Variants in MACROD2 observed in about 807,000 individuals in gnomAD.
The protein encoded by MACROD2 is ADP-ribose glycohydrolase MACROD2.
Under a neutral mutation model 70.4 loss-of-function variants are expected in MACROD2, and 36 were observed. That is an observed-to-expected ratio of 0.51 (90% CI 0.39 to 0.68). The LOEUF (loss-of-function observed/expected upper bound fraction) is 0.68. MACROD2 is among the 30% of genes least tolerant of loss of function. MACROD2 has a pLI of 0.00. For synonymous variants in MACROD2, 172 were observed against 178.8 expected (o/e 0.96, Z 0.30); for missense variants, 496 against 538.4 (o/e 0.92, Z 0.78).
chr20:15,595,338 T>A (rs2048732333), intron 8 of MACROD2, among the ~76,000 whole-genome samples: 1 of 152,160 alleles, frequency 6.6e-6, no homozygotes, highest in Non-Finnish European at 1.5e-5. Flanking sequence ...GGAATCCTCA[T>A]ACAAAAAATT....
chr20:15,128,036 T>G (rs2076079019), intron 5 of MACROD2, among the ~76,000 whole-genome samples: 1 of 152,114 alleles, frequency 6.6e-6, no homozygotes, highest in East Asian at 1.9e-4. Flanking sequence ...ATTGCTTTAC[T>G]TGGGCTGGAT....
intron 3 of MACROD2, among the ~76,000 whole-genome samples, chr20:14,181,715 A>G (rs1327023504): frequency 6.6e-6 from 1 of 152,128 alleles, no homozygotes; most frequent in East Asian, 1.9e-4. Flanking sequence ...TGGACATTTC[A>G]GATAAATATA....
At chr20:14,024,289 GC>G (rs2053126683) in intron 2 of MACROD2, among the ~76,000 whole-genome samples, 1 of 152,190 alleles carries the variant, frequency 6.6e-6, no homozygotes, top group East Asian at 1.9e-4. Flanking sequence ...AAATTTGGGG[GC>G]TGAGATGATG....
At chr20:15,873,495 T>C (rs1250004300) in intron 9 of MACROD2, among the ~76,000 whole-genome samples, 1 of 152,206 alleles carries the variant, frequency 6.6e-6, no homozygotes, top group Non-Finnish European at 1.5e-5. Flanking sequence ...TTGCTGATCA[T>C]AACCCTTGTA....
At chr20:14,457,784 G>A (rs1043076135) in intron 3 of MACROD2, among the ~76,000 whole-genome samples, 2 of 152,052 alleles carry the variant, frequency 1.3e-5, no homozygotes, top group Non-Finnish European at 2.9e-5. Context: ...AGAAAATACT[G>A]GAAGTAGTAC....
chr20:14,419,132 G>A (rs917971420), intron 3 of MACROD2, among the ~76,000 whole-genome samples: 12 of 151,890 alleles, frequency 7.9e-5, no homozygotes, highest in East Asian at 7.7e-4. Context: ...TCGGCTCACC[G>A]CAACCTTCGC....
intron 8 of MACROD2, among the ~76,000 whole-genome samples, chr20:15,836,868 A>G (rs775506353): frequency 4.6e-5 from 7 of 152,194 alleles, no homozygotes; most frequent in Non-Finnish European, 1.0e-4. Flanking sequence ...GACCACAGCT[A>G]TTTCTTTGTA....
intron 10 of MACROD2, among the ~76,000 whole-genome samples, chr20:15,890,361 A>G (rs1482595852): frequency 1.3e-5 from 2 of 152,138 alleles, no homozygotes; most frequent in Non-Finnish European, 2.9e-5. Context: ...CAGCATTGGA[A>G]ACTCTCTTCT....
chr20:15,665,129 T>C (rs1463636415), intron 8 of MACROD2, among the ~76,000 whole-genome samples: 4 of 152,200 alleles, frequency 2.6e-5, no homozygotes, highest in Non-Finnish European at 5.9e-5. Context: ...AAAAGGGAGA[T>C]GGCTAGGTTT....
chr20:15,433,252 A>G (rs2046386000), intron 7 of MACROD2, among the ~76,000 whole-genome samples: 1 of 151,982 alleles, frequency 6.6e-6, no homozygotes, highest in Admixed American at 6.6e-5. Context: ...TCAAAAAAGC[A>G]GAAGTTAGAC....
At chr20:15,327,031 ATTTAT>A (rs2077937562) in intron 6 of MACROD2, among the ~76,000 whole-genome samples, 1 of 152,210 alleles carries the variant, frequency 6.6e-6, no homozygotes. Context: ...ATGTGTATGA[ATTTAT>A]TTAATATACA....
chr20:15,029,304 T>C (rs2075256878), intron 5 of MACROD2, among the ~76,000 whole-genome samples: 1 of 152,208 alleles, frequency 6.6e-6, no homozygotes, highest in African/African-American at 2.4e-5. Context: ...GAAGACATTC[T>C]TTTGTATTTC....
At chr20:14,891,772 A>G (rs2073763740) in intron 5 of MACROD2, among the ~76,000 whole-genome samples, 2 of 152,178 alleles carry the variant, frequency 1.3e-5, no homozygotes, top group Non-Finnish European at 2.9e-5. Flanking sequence ...AAAAAGAACC[A>G]TATATAGCAA....
intron 6 of MACROD2, among the ~76,000 whole-genome samples, chr20:15,406,645 C>T (rs2046005648): frequency 6.6e-6 from 1 of 152,036 alleles, no homozygotes; most frequent in Admixed American, 6.6e-5. Flanking sequence ...TATCATTTTG[C>T]ACTTATATAA....
intron 3 of MACROD2, among the ~76,000 whole-genome samples, chr20:14,368,949 C>T (rs1341171357): frequency 1.3e-5 from 2 of 152,158 alleles, no homozygotes; most frequent in East Asian, 3.9e-4. Flanking sequence ...CCTTCATTTC[C>T]TGTTTGCATT....
At chr20:14,456,419 C>T (rs781000498) in intron 3 of MACROD2, among the ~76,000 whole-genome samples, 12 of 151,884 alleles carry the variant, frequency 7.9e-5, no homozygotes, top group Non-Finnish European at 1.3e-4. Context: ...AAAAAGAGCT[C>T]ATCATTCATG....
intron 3 of MACROD2, among the ~76,000 whole-genome samples, chr20:14,293,039 G>A (rs561175269): frequency 3.3e-5 from 5 of 151,934 alleles, no homozygotes; most frequent in South Asian, 2.1e-4. Context: ...GATAGTATCC[G>A]CTCTTGGGAA....
At chr20:14,528,477 G>A (rs1678208563) in intron 4 of MACROD2, among the ~76,000 whole-genome samples, 2 of 151,934 alleles carry the variant, frequency 1.3e-5, no homozygotes, top group South Asian at 4.1e-4. Flanking sequence ...CCTTAACATG[G>A]TGTACAAAGT....
chr20:14,358,614 G>A (rs149816713), intron 3 of MACROD2, among the ~76,000 whole-genome samples: 96 of 152,024 alleles, frequency 6.3e-4, no homozygotes, highest in African/African-American at 2.0e-3. Flanking sequence ...CCACCACCAC[G>A]TCTGGCTAAT....
Sources: gnomAD v4.1 joint callset for allele counts (sites outside exome capture counted in the v4.1 genomes callset) on GRCh38, gnomAD v4.1.1 for gene constraint, MANE v1.5 for transcripts, NCBI Gene and HGNC (gene_info 2026-07-23, HGNC 2026-07-21) for gene names.